The following LIPA variants were observed in gnomAD, a reference collection of about 807,000 sequenced individuals.
LIPA encodes lipase A, lysosomal acid type.
Under a neutral mutation model 40.6 loss-of-function variants are expected in LIPA, and 26 were observed. The ratio of observed to expected loss-of-function variants is 0.64; its 90% confidence interval spans 0.47 to 0.89. The LOEUF (loss-of-function observed/expected upper bound fraction) is 0.89, where lower values mean the gene tolerates loss of function less well. Among genes scored for constraint, LIPA ranks in the 40% least tolerant of loss-of-function variants. LIPA has a pLI of 0.00. For missense variants in LIPA, 455 were observed against 479.6 expected (o/e 0.95, Z 0.48); for synonymous variants, 188 against 168.4 (o/e 1.12, Z -0.90).
intron 1 of LIPA, among the ~76,000 whole-genome samples, chr10:89,303,643 T>C (rs1383165534): frequency 6.6e-6 from 1 of 152,236 alleles, no homozygotes; most frequent in East Asian, 1.9e-4. Flanking sequence ...TAAGTGTGTA[T>C]ATTAAATATC....
intron 2 of LIPA, among the ~76,000 whole-genome samples, chr10:89,360,970 T>G (rs1844018604): frequency 6.6e-6 from 1 of 152,162 alleles, no homozygotes; most frequent in Non-Finnish European, 1.5e-5. Flanking sequence ...ATGGCATCCT[T>G]CCTTGTGTTT....
At chr10:89,351,834 C>T (rs1843960988) in intron 2 of LIPA, among the ~76,000 whole-genome samples, 1 of 152,172 alleles carries the variant, frequency 6.6e-6, no homozygotes, top group South Asian at 2.1e-4. Flanking sequence ...CTTAAAGATT[C>T]AGACATCTGA....
At chr10:89,347,606 A>C (rs1280598088), upstream of LIPA, among the ~76,000 whole-genome samples, 2 of 152,170 alleles carry the variant, frequency 1.3e-5, no homozygotes, top group Non-Finnish European at 2.9e-5. Context: ...TATTTCTAGG[A>C]TCTCTGTCAG....
chr10:89,230,717 G>C (rs1325019484), intron 3 of LIPA, among the ~76,000 whole-genome samples: 1 of 152,178 alleles, frequency 6.6e-6, no homozygotes, highest in Non-Finnish European at 1.5e-5. Flanking sequence ...ATTCCCTGAA[G>C]AGTAGAAATG....
chr10:89,291,552 AT>A lies in LIPA; in HGVS notation c.-1-43904del, dbSNP rs578076947. ...TTATATAGTCTTAACTAGCCTTTTG[AT>A]TTTTTTTTTCTTTTAAGCATGAGAC... On this transcript the variant is annotated intron_variant, in intron 1 of 5. Coordinates refer to the LIPA transcript ENST00000282673. Among the ~76,000 whole-genome samples, 185 of 151,084 alleles carry A rather than the reference AT, an allele frequency of 1.2e-3. 6 individuals carry two copies. In the South Asian group the frequency reaches 0.035, roughly 29 times the overall value.
intron 1 of LIPA, among the ~76,000 whole-genome samples, chr10:89,304,717 GC>G (rs1330965398): frequency 6.6e-6 from 1 of 152,112 alleles, no homozygotes; most frequent in Non-Finnish European, 1.5e-5. Flanking sequence ...CGAAATACAG[GC>G]TTTTGCTCAT....
At chr10:89,227,669 G>C (rs891089956) in intron 4 of LIPA, among the ~76,000 whole-genome samples, 1 of 152,200 alleles carries the variant, frequency 6.6e-6, no homozygotes, top group East Asian at 1.9e-4. Context: ...TTCATACAAG[G>C]TGCCAGGTTC....
At chr10:89,215,650 A>G (rs2133412988) in intron 9 of LIPA, among the ~76,000 whole-genome samples, 1 of 152,386 alleles carries the variant, frequency 6.6e-6, no homozygotes, top group South Asian at 2.1e-4. Flanking sequence ...CAGATAACAG[A>G]CATAGGACTG....
intron 2 of LIPA, chr10:89,392,588 C>G: frequency 2.0e-6 from 2 of 994,564 alleles, no homozygotes; most frequent in Non-Finnish European, 1.6e-6. Flanking sequence ...TGCTGTTTAG[C>G]TCCCTTATAT....
chr10:89,284,509 A>C (rs1432539623), intron 1 of LIPA: 2 of 152,186 alleles, frequency 1.3e-5, no homozygotes, highest in Non-Finnish European at 2.9e-5. Flanking sequence ...TTTTGCTCTT[A>C]GTTCTCAGTG....
chr10:89,385,539 G>A (rs1044849393), intron 2 of LIPA, among the ~76,000 whole-genome samples: 3 of 152,186 alleles, frequency 2.0e-5, no homozygotes, highest in African/African-American at 7.2e-5. Context: ...CCTAAACAGG[G>A]AAGGTTTCTG....
chr10:89,225,351 C>A, intron 5 of LIPA, 123 bp from the exon 6 acceptor site: 1 of 1,136,972 alleles, frequency 8.8e-7, no homozygotes, highest in Non-Finnish European at 1.3e-6. Context: ...AACAATACCA[C>A]CAGCAGGAGC....
intron 2 of LIPA, among the ~76,000 whole-genome samples, chr10:89,358,047 G>GA (rs1843997431): frequency 6.6e-6 from 1 of 152,052 alleles, no homozygotes; most frequent in Non-Finnish European, 1.5e-5. Context: ...GAAAAAAAAA[G>GA]AGGACCCTAT....
At chr10:89,319,953 C>A (rs978206476) in intron 1 of LIPA, among the ~76,000 whole-genome samples, 35 of 152,190 alleles carry the variant, frequency 2.3e-4, no homozygotes, top group African/African-American at 7.9e-4. Flanking sequence ...AAAAACAGAA[C>A]CAAAGACAAA....
chr10:89,409,303 C>T lies in LIPA; in HGVS notation c.61+3488G>A, dbSNP rs539702028. On this transcript the variant is annotated intron_variant, in intron 2 of 8. Coordinates refer to the LIPA transcript ENST00000371837. ...AGGAAAAGCGAGATCAGAGAAAGAC[C>T]GCAGCCTTAGTCGTGGCCCTCAGAC... Among the ~76,000 whole-genome samples, 8 of 152,238 alleles carry T rather than the reference C, an allele frequency of 5.3e-5. No homozygotes were observed. In the South Asian group the frequency reaches 6.2e-4, roughly 12 times the overall value.
At chr10:89,261,357 T>A (rs2133486501) in intron 1 of LIPA, among the ~76,000 whole-genome samples, 1 of 152,282 alleles carries the variant, frequency 6.6e-6, no homozygotes, top group South Asian at 2.1e-4. Flanking sequence ...ATGCAAAAAT[T>A]AGCTGGGTTT....
intron 2 of LIPA, among the ~76,000 whole-genome samples, chr10:89,360,756 C>T (rs949738156): frequency 2.6e-5 from 4 of 152,162 alleles, no homozygotes; most frequent in Non-Finnish European, 5.9e-5. Context: ...TTTCCTGCTT[C>T]AATGTTTTCT....
chr10:89,338,033 G>C (rs1843773724), intron 1 of LIPA, among the ~76,000 whole-genome samples: 1 of 152,176 alleles, frequency 6.6e-6, no homozygotes, highest in Admixed American at 6.5e-5. Flanking sequence ...TAAGGGTTCT[G>C]AGCACATTTA....
At chr10:89,383,280 C>T (rs1294642956) in intron 2 of LIPA, 2 of 1,546,406 alleles carry the variant, frequency 1.3e-6, no homozygotes, top group Non-Finnish European at 1.8e-6. Context: ...GGACTGAATA[C>T]TTTCTCAAAA....
Sources: gnomAD v4.1 joint callset for allele counts (sites outside exome capture counted in the v4.1 genomes callset) on GRCh38, gnomAD v4.1.1 for gene constraint, MANE v1.5 for transcripts, NCBI Gene and HGNC (gene_info 2026-07-23, HGNC 2026-07-21) for gene names.